Variants in PTCHD4 observed in about 807,000 individuals in gnomAD.
PTCHD4 encodes the protein patched domain containing 4.
In PTCHD4, 33 loss-of-function variants were observed where a neutral mutation model predicts 58.1. The observed-to-expected ratio is 0.57, with a 90% CI of 0.43 to 0.76. The LOEUF (loss-of-function observed/expected upper bound fraction) is 0.76. Ranked by LOEUF, PTCHD4 falls within the 30% of genes least tolerant of loss-of-function variation. The pLI is 0.00. For synonymous variants in PTCHD4, 478 were observed against 409.6 expected (o/e 1.17, Z -2.02); for missense variants, 1,058 against 1,027.1 (o/e 1.03, Z -0.41).
intron 4 of PTCHD4, among the ~76,000 whole-genome samples, chr6:47,920,188 C>T (rs1765386897): frequency 6.6e-6 from 1 of 152,102 alleles, no homozygotes; most frequent in South Asian, 2.1e-4. Context: ...GTGGCTTGGA[C>T]CAAAGGTACC....
At chr6:48,033,395 A>G (rs542870994) in intron 3 of PTCHD4, among the ~76,000 whole-genome samples, 1 of 151,330 alleles carries the variant, frequency 6.6e-6, no homozygotes, top group South Asian at 2.1e-4. Flanking sequence ...TTCATCCCTA[A>G]CTGTTAAGAC....
chr6:48,031,433 G>A (rs1265761962), intron 3 of PTCHD4, among the ~76,000 whole-genome samples: 1 of 152,032 alleles, frequency 6.6e-6, no homozygotes, highest in African/African-American at 2.4e-5. Flanking sequence ...AGTGGTCCCT[G>A]CACCTATCAC....
At chr6:48,034,530 T>C (rs1024308904) in intron 3 of PTCHD4, among the ~76,000 whole-genome samples, 4 of 152,264 alleles carry the variant, frequency 2.6e-5, no homozygotes, top group South Asian at 2.1e-4. Flanking sequence ...TTGGTTAATA[T>C]CTTATAGAAC....
chr6:47,956,112 C>T (rs1182085296), intron 4 of PTCHD4, among the ~76,000 whole-genome samples: 1 of 152,182 alleles, frequency 6.6e-6, no homozygotes, highest in Non-Finnish European at 1.5e-5. Context: ...ATATCCTTTT[C>T]ATCAAGTGAG....
rs983384832 is a variant in PTCHD4 at position 47,875,216 on chromosome 6, T to C, written c.*3087A>G. On this transcript the variant is annotated 3_prime_UTR_variant, in exon 5 of 5. Coordinates refer to ENST00000339488, the MANE Select transcript of PTCHD4 (RefSeq NM_001384253.1). ...TGATTGGTCATCTGCTGACAACAGATAAGTTCCTAATTTGAATGGCATTAG... is the reference window on the plus strand; with the variant it reads ...TGATTGGTCATCTGCTGACAACAGACAAGTTCCTAATTTGAATGGCATTAG... Among the ~76,000 whole-genome samples the C allele has an allele frequency of 6.6e-6, 1 of 151,864 alleles. No homozygotes were observed. Among genetic ancestry groups the C allele is most frequent in the Non-Finnish European group, 1.5e-5 (1 of 67,862 alleles).
At chr6:48,074,078 C>T (rs1486538528) in intron 1 of PTCHD4, among the ~76,000 whole-genome samples, 1 of 151,756 alleles carries the variant, frequency 6.6e-6, no homozygotes, top group African/African-American at 2.4e-5. Context: ...TGCTCTTTGA[C>T]CTTCTTCTGT....
intron 4 of PTCHD4, among the ~76,000 whole-genome samples, chr6:47,909,318 T>C (rs1764993307): frequency 2.6e-5 from 4 of 152,182 alleles, no homozygotes; most frequent in Admixed American, 6.5e-5. Context: ...TGATATGATG[T>C]AGATTAGTAT....
intron 1 of PTCHD4, among the ~76,000 whole-genome samples, chr6:48,099,723 C>T (rs1162719078): frequency 6.6e-6 from 1 of 152,210 alleles, no homozygotes; most frequent in Non-Finnish European, 1.5e-5. Flanking sequence ...AAGCAAACTC[C>T]TTGGCCTCCC....
intron 4 of PTCHD4, among the ~76,000 whole-genome samples, chr6:48,003,003 T>C (rs979633889): frequency 2.0e-5 from 3 of 152,278 alleles, no homozygotes; most frequent in Middle Eastern, 3.4e-3. Context: ...CTTTCTTTAC[T>C]CTGCTGCTGG....
intron 4 of PTCHD4, among the ~76,000 whole-genome samples, chr6:47,918,743 A>T (rs534091283): frequency 6.6e-6 from 1 of 152,304 alleles, no homozygotes; most frequent in East Asian, 1.9e-4. Context: ...TCCTTCTTCT[A>T]CAATAACAGA....
chr6:47,914,733 TTATCTATCTATTATCTATCTATCTATC>T (rs1457020243), intron 4 of PTCHD4, among the ~76,000 whole-genome samples: 4 of 61,720 alleles, frequency 6.5e-5, no homozygotes, highest in African/African-American at 1.8e-4. Context: ...TATCTATCTA[TTATCTATCTATTATCTATCTATCTATC>T]TATCTATCTA....
chr6:48,008,502 A>G (rs1480438691), intron 4 of PTCHD4, 132 bp downstream of exon 4: 24 of 1,053,198 alleles, frequency 2.3e-5, no homozygotes, highest in Middle Eastern at 6.4e-4. Flanking sequence ...ACACAACCCC[A>G]AGTAAAATTT....
intron 4 of PTCHD4, among the ~76,000 whole-genome samples, chr6:47,992,131 G>A (rs74883199): frequency 6.6e-4 from 101 of 152,086 alleles, no homozygotes; most frequent in Non-Finnish European, 1.2e-3. Context: ...ATGGAGAAAC[G>A]ACAAATATGA....
intron 4 of PTCHD4, among the ~76,000 whole-genome samples, chr6:47,908,228 G>A (rs1281478105): frequency 6.6e-6 from 1 of 152,042 alleles, no homozygotes; most frequent in African/African-American, 2.4e-5. Flanking sequence ...AAGAAAACTA[G>A]GATCTATAAC....
chr6:48,010,934 T>C lies in PTCHD4; in HGVS notation c.418-1820A>G, dbSNP rs192417311. Among the ~76,000 whole-genome samples the C allele has an allele frequency of 4.2e-3, 635 of 152,348 alleles. 6 individuals carry two copies. The highest frequency in any genetic ancestry group is 0.015 in the African/African-American group (610 of 41,578). On this transcript the variant is annotated intron_variant, in intron 3 of 4. Coordinates refer to ENST00000339488, the MANE Select transcript of PTCHD4 (RefSeq NM_001384253.1). ...CATCCATTTTTATGGCTGCATAGTA[T>C]TCCAGGGTGTATATGTGCCACATTT...
chr6:48,095,500 G>T (rs12201554), intron 1 of PTCHD4, among the ~76,000 whole-genome samples: 1 of 151,998 alleles, frequency 6.6e-6, no homozygotes, highest in African/African-American at 2.4e-5. Flanking sequence ...TGGCTAACAC[G>T]GTGAAACCCC....
At chr6:48,035,817 C>G (rs924168895) in intron 3 of PTCHD4, among the ~76,000 whole-genome samples, 2 of 152,126 alleles carry the variant, frequency 1.3e-5, no homozygotes, top group African/African-American at 4.8e-5. Flanking sequence ...ATCTCCCTTG[C>G]CACTGATGTT....
At chr6:48,089,566 A>T (rs1382208160) in intron 1 of PTCHD4, among the ~76,000 whole-genome samples, 1 of 152,232 alleles carries the variant, frequency 6.6e-6, no homozygotes, top group African/African-American at 2.4e-5. Context: ...TAATGTATAG[A>T]TTATTGTTTT....
chr6:48,091,466 C>T (rs1427833857), intron 1 of PTCHD4, among the ~76,000 whole-genome samples: 1 of 152,080 alleles, frequency 6.6e-6, no homozygotes, highest in Non-Finnish European at 1.5e-5. Context: ...AATTCTGAAG[C>T]ATGCTAAAGG....
Sources: gnomAD v4.1 joint callset for allele counts (sites outside exome capture counted in the v4.1 genomes callset) on GRCh38, gnomAD v4.1.1 for gene constraint, MANE v1.5 for transcripts, NCBI Gene and HGNC (gene_info 2026-07-23, HGNC 2026-07-21) for gene names.